GBE1: variants seen among roughly 807,000 people sequenced by gnomAD.
GBE1 encodes the protein 1,4-alpha-glucan-branching enzyme.
Under a neutral mutation model 88.8 loss-of-function variants are expected in GBE1, and 70 were observed. The ratio of observed to expected loss-of-function variants is 0.79; its 90% confidence interval spans 0.65 to 0.96. The LOEUF is 0.96. Ranked by LOEUF, GBE1 falls within the 40% of genes least tolerant of loss-of-function variation. GBE1 has a pLI of 0.00. For missense variants in GBE1, 872 were observed against 871.0 expected (o/e 1.00, Z -0.01); for synonymous variants, 284 against 300.1 (o/e 0.95, Z 0.56).
chr3:81,512,951 C>T (rs1192292181), intron 14 of GBE1, among the ~76,000 whole-genome samples: 1 of 151,594 alleles, frequency 6.6e-6, no homozygotes, highest in Non-Finnish European at 1.5e-5. Context: ...TATATCTTAA[C>T]CCAAGTAATT....
chr3:81,666,689 T>C (rs1462446340), intron 3 of GBE1, among the ~76,000 whole-genome samples: 1 of 152,212 alleles, frequency 6.6e-6, no homozygotes, highest in African/African-American at 2.4e-5. Context: ...ATGCCATGCC[T>C]TGGCTTTCCA....
At position 81,517,357 on chromosome 3, in the gene GBE1, A is replaced by G. The variant is rs992737162; in HGVS notation, c.1934+17838T>C. Among the ~76,000 whole-genome samples the G allele has an allele frequency of 1.1e-4, 16 of 151,612 alleles. 1 individual carries two copies. Among genetic ancestry groups the G allele is most frequent in the African/African-American group, 3.9e-4 (16 of 41,470 alleles). ...TACATTTTTTTTTAGACATAAGGCT[A>G]TTGCACACTTATTAGACTACAGTAT... On this transcript the variant is annotated intron_variant, in intron 14 of 15. Transcript: ENST00000429644.
chr3:81,597,280 G>A (rs1268122858), intron 7 of GBE1, among the ~76,000 whole-genome samples: 1 of 151,516 alleles, frequency 6.6e-6, no homozygotes, highest in Non-Finnish European at 1.5e-5. Flanking sequence ...TTATTTTGGT[G>A]CGTTCCAACA....
intron 1 of GBE1, among the ~76,000 whole-genome samples, chr3:81,751,791 G>A (rs1706531259): frequency 1.3e-5 from 2 of 152,116 alleles, no homozygotes; most frequent in Admixed American, 6.6e-5. Context: ...GAACCTAAAT[G>A]CATAACCAAT....
At chr3:81,601,053 T>G (rs1184735796) in intron 7 of GBE1, among the ~76,000 whole-genome samples, 1 of 152,140 alleles carries the variant, frequency 6.6e-6, no homozygotes, top group Non-Finnish European at 1.5e-5. Flanking sequence ...ATATATATGT[T>G]TCTAATTATA....
chr3:81,741,176 TAA>T (rs1575773649), intron 1 of GBE1, among the ~76,000 whole-genome samples: 6 of 152,298 alleles, frequency 3.9e-5, no homozygotes, highest in Admixed American at 6.5e-5. Flanking sequence ...CATAAAATAT[TAA>T]GTGTCTAAAA....
intron 1 of GBE1, among the ~76,000 whole-genome samples, chr3:81,711,139 C>A (rs139352002): frequency 6.6e-6 from 1 of 152,178 alleles, no homozygotes; most frequent in Non-Finnish European, 1.5e-5. Flanking sequence ...GACATCTCAG[C>A]GGAGATGGAT....
At chr3:81,750,553 A>ATATATATACGTATATATATATG (rs1706486593) in intron 1 of GBE1, among the ~76,000 whole-genome samples, 1 of 74,240 alleles carries the variant, frequency 1.3e-5, no homozygotes, top group Non-Finnish European at 2.5e-5. Context: ...ATATATATGT[A>ATATATATACGTATATATATATG]TATATATATG....
chr3:81,727,408 C>T (rs1415069319), intron 1 of GBE1, among the ~76,000 whole-genome samples: 1 of 152,026 alleles, frequency 6.6e-6, no homozygotes, highest in African/African-American at 2.4e-5. Flanking sequence ...CAAGGCATTC[C>T]TAGAACAGCT....
chr3:81,737,371 AT>A (rs1370547007), intron 1 of GBE1, among the ~76,000 whole-genome samples: 9 of 33,700 alleles, frequency 2.7e-4, no homozygotes, highest in East Asian at 2.2e-3. Flanking sequence ...ATATATTTAT[AT>A]ATATTTTTAT....
Position 81,705,651 on chromosome 3 carries a change from A to C in GBE1, c.144-38T>G, listed in dbSNP as rs758824806. 1.4e-5 allele frequency: 20 copies of C among 1,393,194 alleles called. No homozygotes were observed. In the South Asian group the frequency reaches 2.8e-4, roughly 20 times the overall value. The allele number at this position is 1,393,194 out of a possible 1,614,324, so 86.3% of individuals were successfully genotyped here. ...ATGAAAGAAAATGAGTTAGAAAATT[A>C]AATAGTCTTCTAGAAAAGCTACTGT... On this transcript the variant is annotated intron_variant, in intron 1 of 15. Transcript: ENST00000429644.
At chr3:81,545,277 C>A (rs540499232) in intron 12 of GBE1, among the ~76,000 whole-genome samples, 1 of 152,022 alleles carries the variant, frequency 6.6e-6, no homozygotes, top group Non-Finnish European at 1.5e-5. Flanking sequence ...TGATACTAAT[C>A]AGTGTGGTTA....
intron 7 of GBE1, among the ~76,000 whole-genome samples, chr3:81,620,014 AT>A (rs1704303293): frequency 6.6e-6 from 1 of 152,042 alleles, no homozygotes; most frequent in Non-Finnish European, 1.5e-5. Flanking sequence ...ATTTAAAAAA[AT>A]ATACTTTGCA....
chr3:81,610,219 T>TCCCTATCATCATCCAAGGATACAACCCC (rs1704160916), intron 7 of GBE1, among the ~76,000 whole-genome samples: 1 of 152,202 alleles, frequency 6.6e-6, no homozygotes, highest in African/African-American at 2.4e-5. Context: ...TCAGCAACTC[T>TCCCTATCATCATCCAAGGATACAACCCC]CCCTATCATC....
chr3:81,574,061 T>C (rs766124152), intron 12 of GBE1, among the ~76,000 whole-genome samples: 7 of 152,172 alleles, frequency 4.6e-5, no homozygotes, highest in Non-Finnish European at 8.8e-5. Flanking sequence ...AGAAGGTAAA[T>C]TGGTGAGACT....
At chr3:81,548,385 A>T (rs1703234804) in intron 12 of GBE1, among the ~76,000 whole-genome samples, 1 of 151,494 alleles carries the variant, frequency 6.6e-6, no homozygotes, top group Non-Finnish European at 1.5e-5. Context: ...CTTATTTGGT[A>T]CAAAAATCAT....
chr3:81,719,449 T>C (rs1705990108), intron 1 of GBE1, among the ~76,000 whole-genome samples: 1 of 152,140 alleles, frequency 6.6e-6, no homozygotes, highest in African/African-American at 2.4e-5. Context: ...ACTCCTGACC[T>C]CAAGTGATTC....
At chr3:81,662,969 G>T (rs1705051413) in intron 3 of GBE1, among the ~76,000 whole-genome samples, 3 of 152,292 alleles carry the variant, frequency 2.0e-5, no homozygotes, top group Admixed American at 2.0e-4. Context: ...AATTGGTTTT[G>T]CCTGAGAATG....
chr3:81,663,885 C>T (rs189644444), intron 3 of GBE1, among the ~76,000 whole-genome samples: 3 of 152,228 alleles, frequency 2.0e-5, no homozygotes, highest in Non-Finnish European at 4.4e-5. Flanking sequence ...GGGAACCTTT[C>T]CCATTTCAAT....
Sources: allele counts gnomAD v4.1 joint callset (sites outside exome capture counted in the v4.1 genomes callset), GRCh38; gene constraint gnomAD v4.1.1; transcripts MANE v1.5; gene names NCBI Gene and HGNC (gene_info 2026-07-23, HGNC 2026-07-21).